The following SPATA21 variants were observed in gnomAD, a reference collection of about 807,000 sequenced individuals.
SPATA21 encodes the protein spermatogenesis-associated protein 21.
Under a neutral mutation model 54.8 loss-of-function variants are expected in SPATA21, and 47 were observed. The ratio of observed to expected loss-of-function variants is 0.86; its 90% CI spans 0.68 to 1.09. The LOEUF is 1.09. Ranked by LOEUF, SPATA21 falls within the 50% of genes least tolerant of loss-of-function variation. The probability of loss-of-function intolerance (pLI) is 0.00; values close to 1 mark genes in which losing one functional copy is unlikely to be tolerated. For synonymous variants in SPATA21, 245 were observed against 235.3 expected (o/e 1.04, Z -0.38); for missense variants, 599 against 596.4 (o/e 1.00, Z -0.05).
chr1:16,425,464 T>C, intron 3 of SPATA21: 1 of 1,499,880 alleles, frequency 6.7e-7, no homozygotes, highest in Non-Finnish European at 9.0e-7. Flanking sequence ...GGAGGGGGGC[T>C]CTTTCACCTC....
At chr1:16,427,958 G>T in intron 3 of SPATA21, 1 of 1,550,172 alleles carries the variant, frequency 6.5e-7, no homozygotes. Context: ...TCTGGCCCTC[G>T]TGAAGCTGAT....
At chr1:16,415,550 C>CTATTAT (rs199579596) in intron 5 of SPATA21, among the ~76,000 whole-genome samples, 2 of 151,764 alleles carry the variant, frequency 1.3e-5, no homozygotes, top group Non-Finnish European at 1.5e-5. Context: ...AGAATGTCTC[C>CTATTAT]TATTATTATT....
chr1:16,420,097 A>G (rs535516542), intron 5 of SPATA21, among the ~76,000 whole-genome samples: 3 of 152,090 alleles, frequency 2.0e-5, no homozygotes, highest in African/African-American at 7.2e-5. Flanking sequence ...GAGACTGGGA[A>G]GGAGTTGCTA....
rs780999908 is a variant in SPATA21 at position 16,402,246 on chromosome 1, A to ATT, written c.1002-1356_1002-1355dup. Reference sequence around the variant, plus strand: ...TTTCTTCTGGCAGTTCTGAGCTGCCATTCTTTTTTTTTTTTTTTTTTTTTT... The same window carrying ATT: ...TTTCTTCTGGCAGTTCTGAGCTGCCATTTTCTTTTTTTTTTTTTTTTTTTTTT... On this transcript the variant is annotated intron_variant, in intron 10 of 12. Coordinates refer to ENST00000335496, the MANE Select transcript of SPATA21 (RefSeq NM_198546.1). Among the ~76,000 whole-genome samples, 218 of 72,798 alleles carry ATT rather than the reference A, an allele frequency of 3.0e-3. 1 individual carries two copies. The highest frequency in any genetic ancestry group is 6.4e-3 in the Admixed American group (36 of 5,642). 47.8% of individuals were successfully genotyped at this position (72,798 alleles called of 152,430 possible). A position where few individuals can be genotyped will look rare whatever the true frequency, so the allele number is the denominator to read the frequency against.
At chr1:16,400,065 C>G (rs1307812357) in intron 11 of SPATA21, among the ~76,000 whole-genome samples, 1 of 151,378 alleles carries the variant, frequency 6.6e-6, no homozygotes, top group Non-Finnish European at 1.5e-5. Flanking sequence ...TTGCTCTTGT[C>G]CCCCAGGCTG....
intron 5 of SPATA21, among the ~76,000 whole-genome samples, chr1:16,412,707 C>A (rs1455702619): frequency 2.6e-5 from 4 of 152,206 alleles, no homozygotes; most frequent in Non-Finnish European, 5.9e-5. Flanking sequence ...AGGTGATCTG[C>A]CTGCCTCGGC....
Position 16,399,378 on chromosome 1 carries a change from T to C in SPATA21, c.1318A>G (p.Ser440Gly), listed in dbSNP as rs770836752. ...TGAGATCCTGACTGGAAGAAGGGGC[T>C]GCGGATGTCAGGATCCAGGCCAGGG... ...TPPGLDPDIR[S>G]PFFQSGSQGN... Residue 440 changes from serine to glycine, a missense_variant, in exon 12 of 13, where the codon AGC (serine) becomes GGC (glycine). Transcript: ENST00000335496. The C allele has an allele frequency of 3.1e-6, 5 of 1,613,952 alleles. No individual in the cohort carries two copies. Among genetic ancestry groups the C allele is most frequent in the Non-Finnish European group, 4.2e-6 (5 of 1,179,916 alleles).
intron 3 of SPATA21, among the ~76,000 whole-genome samples, chr1:16,430,114 C>CA (rs1226598581): frequency 0.1 from 5,399 of 53,098 alleles, 533 homozygotes; most frequent in African/African-American, 0.15. Flanking sequence ...GACTCTATCT[C>CA]AAAAAAAAAA....
At chr1:16,404,682 C>T (rs1036074504) in intron 8 of SPATA21, among the ~76,000 whole-genome samples, 5 of 152,088 alleles carry the variant, frequency 3.3e-5, no homozygotes, top group Non-Finnish European at 5.9e-5. Context: ...CATGGTAGTG[C>T]GCCTATAGCC....
intron 1 of SPATA21, among the ~76,000 whole-genome samples, chr1:16,436,382 G>A (rs2100922316): frequency 7.4e-6 from 1 of 135,266 alleles, no homozygotes; most frequent in African/African-American, 3.1e-5. Flanking sequence ...GTGAGACTCT[G>A]TCTCAAAAAA....
chr1:16,417,968 C>T lies in SPATA21; in HGVS notation c.144+3541G>A, dbSNP rs1426948406. Among the ~76,000 whole-genome samples, 5 of 152,228 alleles carry T rather than the reference C, an allele frequency of 3.3e-5. No homozygotes were observed. The East Asian group carries it at 9.6e-4, about 29-fold the overall frequency. Reference sequence around the variant, plus strand: ...CCCTCTCCAGAAAGCTACCTGCTGGCCCCAGGGCTCCTCTGAGTGCCTGCA... The same window carrying T: ...CCCTCTCCAGAAAGCTACCTGCTGGTCCCAGGGCTCCTCTGAGTGCCTGCA... On this transcript the variant is annotated intron_variant, in intron 5 of 12. Transcript: ENST00000335496.
At chr1:16,418,518 C>T (rs371956498) in intron 5 of SPATA21, among the ~76,000 whole-genome samples, 4 of 151,284 alleles carry the variant, frequency 2.6e-5, no homozygotes, top group Non-Finnish European at 5.9e-5. Flanking sequence ...ATGATCCTCC[C>T]GCCTCAGCCT....
At chr1:16,397,637 C>G (rs193132058), downstream of SPATA21, 1 of 152,384 alleles carries the variant, frequency 6.6e-6, no homozygotes, top group East Asian at 1.9e-4. This position sits in a 1 kb window ranked among gnomAD's most constrained non-coding sequence, Gnocchi z 5.4. Flanking sequence ...TCCAGCTAAC[C>G]GCTTCCCATG....
intron 3 of SPATA21, among the ~76,000 whole-genome samples, chr1:16,423,481 C>T (rs1033323393): frequency 2.0e-5 from 3 of 146,656 alleles, no homozygotes; most frequent in African/African-American, 7.5e-5. Flanking sequence ...ACTGAGCAAC[C>T]AAAAGAACAA....
chr1:16,401,268 T>C (rs1016653846), intron 10 of SPATA21, among the ~76,000 whole-genome samples: 5 of 152,068 alleles, frequency 3.3e-5, no homozygotes, highest in African/African-American at 1.2e-4. Context: ...ACACGGAAAA[T>C]GCTTTGTACA....
intron 7 of SPATA21, among the ~76,000 whole-genome samples, chr1:16,407,850 C>T (rs376644190): frequency 2.6e-4 from 39 of 152,282 alleles, no homozygotes; most frequent in African/African-American, 7.9e-4. Flanking sequence ...ACCATAACCT[C>T]GAACTCCTGA....
At chr1:16,424,201 A>G (rs1286354180) in intron 3 of SPATA21, among the ~76,000 whole-genome samples, 1 of 4,434 alleles carries the variant, frequency 2.3e-4, no homozygotes. Flanking sequence ...TAATCCCAGC[A>G]CTTTGGGAGG....
rs567969154 is a variant in SPATA21 at position 16,399,434 on chromosome 1, C to CTCGGCTGCCTACGGACCATCT, written c.1241_1261dup (p.Lys414_Pro420dup). The CTCGGCTGCCTACGGACCATCT allele has an allele frequency of 2.8e-4, 457 of 1,614,180 alleles. 1 individual carries two copies. The African/African-American group carries it at 5.1e-3, about 18-fold the overall frequency. ...GCACTGGTCTAGTGCATAGTGGTTG[C>CTCGGCTGCCTACGGACCATCT]TCGGCTGCCTACGGACCATCTTCTT... On this transcript the variant is annotated inframe_insertion, in exon 12 of 13. Coordinates refer to ENST00000335496, the MANE Select transcript of SPATA21 (RefSeq NM_198546.1).
At chr1:16,398,080 G>T, downstream of SPATA21, 3 of 882,692 alleles carry the variant, frequency 3.4e-6, no homozygotes, top group South Asian at 1.6e-4. Flanking sequence ...CTGCACCGCG[G>T]GCTCCTGAGT....
Sources: allele counts gnomAD v4.1 joint callset (sites outside exome capture counted in the v4.1 genomes callset), GRCh38; gene constraint gnomAD v4.1.1; non-coding constraint Gnocchi (gnomAD v3.1); transcripts MANE v1.5; gene names NCBI Gene and HGNC (gene_info 2026-07-23, HGNC 2026-07-21).